SEC13: variants seen among roughly 807,000 people sequenced by gnomAD.
SEC13 encodes SEC13 homolog, nuclear pore and COPII component.
A neutral mutation model predicts 49.2 loss-of-function variants in SEC13; 25 were observed. The observed-to-expected ratio is 0.51, with a 90% CI of 0.37 to 0.71. SEC13 has a LOEUF of 0.71. Among genes scored for constraint, SEC13 ranks in the 30% least tolerant of loss-of-function variants. The probability of loss-of-function intolerance (pLI) is 0.00; values close to 1 mark genes in which losing one functional copy is unlikely to be tolerated. For synonymous variants in SEC13, 148 were observed against 163.9 expected (o/e 0.90, Z 0.74); for missense variants, 383 against 417.6 (o/e 0.92, Z 0.72).
At chr3:10,310,698 C>G (rs3952700) in intron 5 of SEC13, among the ~76,000 whole-genome samples, 37,794 of 152,042 alleles carry the variant, frequency 0.25, 5,581 homozygotes, top group East Asian at 0.51. Flanking sequence ...ACAGAATTAC[C>G]ATATGACTCA....
chr3:10,316,827 A>C (rs1701635548), intron 2 of SEC13, among the ~76,000 whole-genome samples: 1 of 151,852 alleles, frequency 6.6e-6, no homozygotes. Context: ...CATGGAGAAA[A>C]CTTGCCTCTA....
In SEC13 at chr3:10,315,378, G is replaced by A. The variant is rs767964637; in HGVS notation, c.107C>T (p.Ser36Phe). 2.5e-6 allele frequency: 4 copies of A among 1,610,934 alleles called. No homozygotes were observed. The East Asian group carries it at 6.7e-5, about 27-fold the overall frequency. ...ATTGCGCACATCAAAGATTTTGACG[G>A]ACCTGTCTGATGAGCAGGTTGCCAG... ...TRLATCSSDR[S>F]VKIFDVRNGG... The change falls in exon 3 of 9, where the codon TCC (serine) becomes TTC (phenylalanine). Residue 36 changes from serine to phenylalanine, a missense_variant. By Grantham distance (155) the Ser-to-Phe change is radical. Transcript: ENST00000350697.
At chr3:10,320,882 C>T in intron 1 of SEC13, 168 bp downstream of exon 1, 1 of 1,427,288 alleles carries the variant, frequency 7.0e-7, no homozygotes, top group Non-Finnish European at 9.2e-7. Context: ...TCTGGACTCC[C>T]CTCGGAATGG....
rs1338184899 is a variant in SEC13, at chr3:10,319,967, AG to A, written c.3+1082del. 6.4e-5 allele frequency among the ~76,000 whole-genome samples: 3 copies of A among 46,580 alleles called. No individual in the cohort carries two copies. In the Admixed American group the frequency reaches 1.0e-3, roughly 16 times the overall value. 30.6% of individuals were successfully genotyped at this position (46,580 alleles called of 152,430 possible). On this transcript the variant is annotated intron_variant, in intron 1 of 8. Coordinates refer to ENST00000350697, the MANE Select transcript of SEC13 (RefSeq NM_183352.3). ...GAGAGAGAAAGGGAGAGGGAGAGGA[AG>A]GGGGGAGGGAGAGGGAGTGGGGAGA...
chr3:10,303,093 G>C (rs1306374934), intron 8 of SEC13, among the ~76,000 whole-genome samples: 2 of 152,230 alleles, frequency 1.3e-5, no homozygotes, highest in Non-Finnish European at 2.9e-5. Flanking sequence ...GCTGAAAAGA[G>C]TTCTGGAGAC....
At position 10,301,018 on chromosome 3, in the gene SEC13, A is replaced by AC. The variant is rs1171886360; in HGVS notation, c.*242_*243insG. On this transcript the variant is annotated 3_prime_UTR_variant, in exon 9 of 9. Coordinates refer to ENST00000350697, the MANE Select transcript of SEC13 (RefSeq NM_183352.3). The stretch of plus-strand genomic sequence containing the variant: ...CCCAAAGGTACATAAAAATGACCCA[A>AC]AATAGATTTGAACATCACTTGTAGT... The AC allele has an allele frequency of 2.0e-5, 30 of 1,516,406 alleles. No homozygotes were observed. In the South Asian group the frequency reaches 3.4e-4, roughly 17 times the overall value. The allele number at this position is 1,516,406 out of a possible 1,614,324, so 93.9% of individuals were successfully genotyped here.
At chr3:10,307,399 G>C (rs946568455) in intron 5 of SEC13, among the ~76,000 whole-genome samples, 1 of 151,894 alleles carries the variant, frequency 6.6e-6, no homozygotes, top group African/African-American at 2.4e-5. Context: ...AGTAGCGTCG[G>C]GGTGTGTTAG....
intron 3 of SEC13, chr3:10,313,292 G>A (rs1377241530): frequency 5.5e-6 from 2 of 366,718 alleles, no homozygotes; most frequent in East Asian, 1.2e-4. Flanking sequence ...GCTTTGTACG[G>A]TGACCATTTC....
At chr3:10,301,579 T>C (rs1700518217) in intron 8 of SEC13, among the ~76,000 whole-genome samples, 1 of 152,174 alleles carries the variant, frequency 6.6e-6, no homozygotes, top group South Asian at 2.1e-4. Flanking sequence ...TAACAGCAGC[T>C]GTGGATGATG....
intron 8 of SEC13, 69 bp from the exon 9 acceptor site, chr3:10,301,443 GCCTCAT>G (rs1269088765): frequency 3.1e-6 from 5 of 1,590,594 alleles, no homozygotes; most frequent in Non-Finnish European, 4.3e-6. Context: ...CTAAATATGA[GCCTCAT>G]CCTCATCAAG....
At position 10,300,940 on chromosome 3, in the gene SEC13, A is replaced by T. The variant is rs1253206941; in HGVS notation, c.*321T>A. On this transcript the variant is annotated 3_prime_UTR_variant, in exon 9 of 9. Coordinates refer to ENST00000350697, the MANE Select transcript of SEC13 (RefSeq NM_183352.3). ...GATAACGCAGCAGGAATTATAAGCAATATGACTTTATTTAGTTCCTTTGGA... is the reference window on the plus strand; with the variant it reads ...GATAACGCAGCAGGAATTATAAGCATTATGACTTTATTTAGTTCCTTTGGA... 2.5e-6 allele frequency: 2 copies of T among 807,628 alleles called. No homozygotes were observed. The highest frequency in any genetic ancestry group is 5.3e-5 in the East Asian group (2 of 37,490). The allele number at this position is 807,628 out of a possible 1,614,324, so 50.0% of individuals were successfully genotyped here. A position where few individuals can be genotyped will look rare whatever the true frequency, so the allele number is the denominator to read the frequency against.
intron 1 of SEC13, among the ~76,000 whole-genome samples, chr3:10,318,942 C>CT (rs1191389038): frequency 2.6e-5 from 4 of 152,258 alleles, no homozygotes; most frequent in African/African-American, 7.2e-5. Flanking sequence ...TCTGAGCCAT[C>CT]TGCAGTTTCA....
At chr3:10,319,360 C>T (rs970277205) in intron 1 of SEC13, 76 of 1,463,036 alleles carry the variant, frequency 5.2e-5, no homozygotes, top group Non-Finnish European at 6.2e-5. Flanking sequence ...CTCCATGTGC[C>T]GAGCTGTATA....
At chr3:10,317,688 C>A (rs1344929970) in intron 2 of SEC13, among the ~76,000 whole-genome samples, 1 of 152,112 alleles carries the variant, frequency 6.6e-6, no homozygotes, top group Non-Finnish European at 1.5e-5. Flanking sequence ...TCCAGTGGGG[C>A]TAAGAAGTGA....
chr3:10,308,820 C>CG (rs1559494914), intron 5 of SEC13, among the ~76,000 whole-genome samples: 3 of 122,550 alleles, frequency 2.4e-5, no homozygotes, highest in African/African-American at 9.3e-5. Flanking sequence ...TTTTTAGAGA[C>CG]GGGGTCTCAC....
chr3:10,305,562 C>G lies in SEC13; in HGVS notation c.581G>C (p.Trp194Ser), dbSNP rs866250466. The change falls in exon 6 of 9, where the codon TGG becomes TCG. Residue 194 changes from tryptophan to serine, a missense_variant. Trp to Ser is a radical substitution (Grantham distance 177). Coordinates refer to ENST00000350697, the MANE Select transcript of SEC13 (RefSeq NM_183352.3). Reference protein sequence around the residue: ...SGGCDNLIKLWKEEEDGQWKE... With the variant: ...SGGCDNLIKLSKEEEDGQWKE... Reference sequence around the variant, plus strand: ...AAGGCCACACATCCCTACTTACTTCCACAGCTTGATGAGGTTGTCACAGCC... The same window carrying G: ...AAGGCCACACATCCCTACTTACTTCGACAGCTTGATGAGGTTGTCACAGCC... 1 of 1,613,768 alleles carries G rather than the reference C, an allele frequency of 6.2e-7. No homozygotes were observed. Among genetic ancestry groups the G allele is most frequent in the Non-Finnish European group, 8.5e-7 (1 of 1,180,000 alleles).
In SEC13 at chr3:10,300,964, G is replaced by GAAAC. The variant is rs1700460984; in HGVS notation, c.*293_*296dup. 7 of 1,022,814 alleles carry GAAAC rather than the reference G, an allele frequency of 6.8e-6. No individual in the cohort carries two copies. Among genetic ancestry groups the GAAAC allele is most frequent in the African/African-American group, 1.6e-5 (1 of 62,066 alleles). The allele number at this position is 1,022,814 out of a possible 1,614,324, so 63.4% of individuals were successfully genotyped here. A position where few individuals can be genotyped will look rare whatever the true frequency, so the allele number is the denominator to read the frequency against. ...AATATGACTTTATTTAGTTCCTTTGGAAACAAAACCCCCCAAATAATGCCT... is the reference window on the plus strand; with the variant it reads ...AATATGACTTTATTTAGTTCCTTTGGAAACAAACAAAACCCCCCAAATAATGCCT... On this transcript the variant is annotated 3_prime_UTR_variant, in exon 9 of 9. Transcript: ENST00000350697.
chr3:10,309,799 A>C (rs61437222), intron 5 of SEC13, among the ~76,000 whole-genome samples: 1 of 152,160 alleles, frequency 6.6e-6, no homozygotes, highest in East Asian at 1.9e-4. Flanking sequence ...TTTTTAGGTG[A>C]GATGAGTTTT....
chr3:10,305,896 A>C (rs893463627), intron 5 of SEC13: 4 of 456,602 alleles, frequency 8.8e-6, no homozygotes, highest in African/African-American at 3.8e-5. Flanking sequence ...GTGTGCGCTA[A>C]AAGTAGAAAT....
Sources: allele counts gnomAD v4.1 joint callset (sites outside exome capture counted in the v4.1 genomes callset), GRCh38; gene constraint gnomAD v4.1.1; transcripts MANE v1.5; gene names NCBI Gene and HGNC (gene_info 2026-07-23, HGNC 2026-07-21).